Variants in CCDC30 observed in about 807,000 individuals in gnomAD.
CCDC30 encodes the protein coiled-coil domain containing 30.
CCDC30 carries 70 observed loss-of-function variants against 100.2 expected under a neutral mutation model. The ratio of observed to expected loss-of-function variants is 0.70; its 90% CI spans 0.58 to 0.85. CCDC30 has a LOEUF of 0.85. Among genes scored for constraint, CCDC30 ranks in the 40% least tolerant of loss-of-function variants. CCDC30 has a pLI of 0.00. For missense variants in CCDC30, 652 were observed against 771.2 expected (o/e 0.85, Z 1.83); for synonymous variants, 233 against 269.5 (o/e 0.86, Z 1.33).
rs1173734249 is a variant in CCDC30 at position 42,482,936 on chromosome 1, A to G, written c.169+120A>G. ...AAACAAGTCTTTAAGATAAACACAT[A>G]AAAGTGATGAACAGCCTCATTTTCT... On this transcript the variant is annotated intron_variant, in intron 3 of 16. Transcript: ENST00000668663. 4.4e-6 allele frequency: 3 copies of G among 681,230 alleles called. No homozygotes were observed. In the African/African-American group the frequency reaches 5.6e-5, roughly 13 times the overall value. The allele number at this position is 681,230 out of a possible 1,614,324, so 42.2% of individuals were successfully genotyped here.
At chr1:42,520,634 C>CTTTTTTTTTTT (rs1181298704) in intron 6 of CCDC30, among the ~76,000 whole-genome samples, 2 of 64,772 alleles carry the variant, frequency 3.1e-5, no homozygotes, top group Non-Finnish European at 5.5e-5. Flanking sequence ...CCGGCCTCAT[C>CTTTTTTTTTTT]TTTTTTTTTT....
At chr1:42,646,191 C>T (rs1647865111) in exon 15 of CCDC30, 2 of 1,597,842 alleles carry the variant, frequency 1.3e-6, no homozygotes, top group Admixed American at 1.7e-5. Context: ...TGGCTTCTCT[C>T]CCTCCAACAA....
intron 3 of CCDC30, among the ~76,000 whole-genome samples, chr1:42,487,520 G>A (rs1030712748): frequency 6.6e-6 from 1 of 152,182 alleles, no homozygotes. Context: ...AAAGAAGGGA[G>A]ATTATCTTAC....
chr1:42,570,233 G>T (rs1006528453), intron 7 of CCDC30, among the ~76,000 whole-genome samples: 1 of 151,988 alleles, frequency 6.6e-6, no homozygotes, highest in Admixed American at 6.6e-5. Flanking sequence ...GGCCAAGGCA[G>T]GAGGATTGCT....
At chr1:42,616,127 G>A (rs1239793950) in intron 11 of CCDC30, among the ~76,000 whole-genome samples, 2 of 152,158 alleles carry the variant, frequency 1.3e-5, no homozygotes, top group African/African-American at 4.8e-5. Context: ...TATTGGCCAA[G>A]CTGGTCTCGA....
intron 1 of CCDC30, among the ~76,000 whole-genome samples, chr1:42,478,399 A>C (rs12145294): frequency 0.22 from 34,025 of 152,054 alleles, 4,900 homozygotes; most frequent in Non-Finnish European, 0.31. Flanking sequence ...ATCTTGGATG[A>C]CTCTAATACC....
At chr1:42,507,612 T>C (rs907076900) in intron 6 of CCDC30, among the ~76,000 whole-genome samples, 54 of 152,374 alleles carry the variant, frequency 3.5e-4, no homozygotes, top group Middle Eastern at 3.4e-3. Flanking sequence ...TGTAAATCTA[T>C]TTTTAGTAGT....
chr1:42,575,163 A>C (rs377059274), intron 7 of CCDC30, among the ~76,000 whole-genome samples: 8 of 152,314 alleles, frequency 5.3e-5, no homozygotes, highest in African/African-American at 1.9e-4. Context: ...GAGACCAGGG[A>C]ATTCTATTTA....
intron 11 of CCDC30, among the ~76,000 whole-genome samples, chr1:42,635,571 A>G (rs933357619): frequency 1.3e-5 from 2 of 152,054 alleles, no homozygotes; most frequent in African/African-American, 4.8e-5. Flanking sequence ...GCACTTTGGG[A>G]GGCCAAGGCG....
chr1:42,636,442 C>T (rs1647158061), intron 11 of CCDC30, among the ~76,000 whole-genome samples: 1 of 151,826 alleles, frequency 6.6e-6, no homozygotes, highest in Non-Finnish European at 1.5e-5. Context: ...AGACTCAATG[C>T]AAGGACTGAG....
chr1:42,655,735 T>A (rs1191001986), downstream of CCDC30, among the ~76,000 whole-genome samples: 1 of 152,090 alleles, frequency 6.6e-6, no homozygotes, highest in African/African-American at 2.4e-5. Flanking sequence ...GTGGGACTGC[T>A]TCTTCAGAAA....
chr1:42,608,001 G>A (rs1646537558), intron 10 of CCDC30, among the ~76,000 whole-genome samples: 1 of 152,144 alleles, frequency 6.6e-6, no homozygotes, highest in Admixed American at 6.5e-5. Flanking sequence ...CAAACACCAT[G>A]TCTGTAATCC....
chr1:42,483,877 C>A (rs1056396486), intron 3 of CCDC30, among the ~76,000 whole-genome samples: 1 of 151,866 alleles, frequency 6.6e-6, no homozygotes, highest in African/African-American at 2.4e-5. Context: ...AAAGCCTTTT[C>A]TTCACTACAA....
chr1:42,486,304 T>G (rs1392411715), intron 3 of CCDC30, among the ~76,000 whole-genome samples: 1 of 152,194 alleles, frequency 6.6e-6, no homozygotes, highest in Non-Finnish European at 1.5e-5. Flanking sequence ...CACCCGACAC[T>G]GCTATTCTTA....
upstream of CCDC30, chr1:42,460,050 T>C (rs2148422187): frequency 7.0e-7 from 1 of 1,423,358 alleles, no homozygotes; most frequent in South Asian, 1.6e-5. Flanking sequence ...CAGTGGTGTG[T>C]AGGCAAATAT....
intron 12 of CCDC30, among the ~76,000 whole-genome samples, chr1:42,638,679 G>C (rs1647211282): frequency 6.6e-6 from 1 of 151,974 alleles, no homozygotes. Flanking sequence ...TTCGAGACTA[G>C]CCTGGCCAAC....
intron 4 of CCDC30, chr1:42,492,025 A>G (rs768866878): frequency 1.9e-6 from 1 of 513,024 alleles, no homozygotes; most frequent in Non-Finnish European, 3.5e-6. Flanking sequence ...GAAAAAAACT[A>G]ACTTCCAGGG....
At chr1:42,581,872 T>C (rs1277386979) in intron 9 of CCDC30, among the ~76,000 whole-genome samples, 5 of 152,106 alleles carry the variant, frequency 3.3e-5, no homozygotes, top group Non-Finnish European at 7.4e-5. Flanking sequence ...GAAGTTGATA[T>C]TCTGTACGAG....
intron 11 of CCDC30, among the ~76,000 whole-genome samples, chr1:42,611,572 A>G (rs1646625442): frequency 6.6e-6 from 1 of 152,134 alleles, no homozygotes. Context: ...ATACATACAT[A>G]CATATATGTA....
Sources: allele counts gnomAD v4.1 joint callset (sites outside exome capture counted in the v4.1 genomes callset), GRCh38; gene constraint gnomAD v4.1.1; transcripts MANE v1.5; gene names NCBI Gene and HGNC (gene_info 2026-07-23, HGNC 2026-07-21).